SULF1: variants seen among roughly 807,000 people sequenced by gnomAD.
SULF1 encodes the protein sulfatase 1.
Under a neutral mutation model 110.5 loss-of-function variants are expected in SULF1, and 46 were observed. That is an observed-to-expected ratio of 0.42 (90% CI 0.33 to 0.53). The LOEUF (loss-of-function observed/expected upper bound fraction) is 0.53. Ranked by LOEUF, SULF1 falls within the 20% of genes least tolerant of loss-of-function variation. The pLI is 0.12. For missense variants in SULF1, 941 were observed against 1,094.2 expected (o/e 0.86, Z 1.98); for synonymous variants, 371 against 387.1 (o/e 0.96, Z 0.49).
chr8:69,566,652 A>G (rs533625940), intron 5 of SULF1, among the ~76,000 whole-genome samples: 103 of 152,216 alleles, frequency 6.8e-4, no homozygotes, highest in African/African-American at 2.3e-3. Flanking sequence ...GGAGTTCAAG[A>G]CCAGCCTGGC....
At chr8:69,574,897 C>T (rs1408617083) in intron 5 of SULF1, among the ~76,000 whole-genome samples, 4 of 152,180 alleles carry the variant, frequency 2.6e-5, no homozygotes, top group African/African-American at 9.6e-5. Context: ...TATGAAGACA[C>T]GGGGCTAACT....
chr8:69,654,566 G>A (rs1159225496), intron 22 of SULF1, among the ~76,000 whole-genome samples: 1 of 152,098 alleles, frequency 6.6e-6, no homozygotes, highest in Non-Finnish European at 1.5e-5. Context: ...AGGGTTTTTT[G>A]CTTAGGAAAC....
intron 3 of SULF1, among the ~76,000 whole-genome samples, chr8:69,516,989 C>G (rs1811969352): frequency 6.6e-6 from 1 of 152,072 alleles, no homozygotes; most frequent in African/African-American, 2.4e-5. Flanking sequence ...TCTCCTTTAC[C>G]CTGCTGTCTT....
rs572447644 is a variant in SULF1 at position 69,589,349 on chromosome 8, A to G, written c.734+208A>G. ...TATCTGGGTGGTTTGAGGAGGAATC[A>G]AATTTCCAGCATTTACAAGTAGCTA... On this transcript the variant is annotated intron_variant, in intron 8 of 22. Coordinates refer to ENST00000402687, the MANE Select transcript of SULF1 (RefSeq NM_001128205.2). Among the ~76,000 whole-genome samples the G allele has an allele frequency of 1.2e-4, 18 of 152,348 alleles. No individual in the cohort carries two copies. The South Asian group carries it at 3.3e-3, about 28-fold the overall frequency.
At position 69,526,220 on chromosome 8, in the gene SULF1, AC is replaced by A. The variant is rs1292882330; in HGVS notation, c.-134+24256del. ...TGACCAGCATCTTGAGTTCAACGAA[AC>A]CCCTCTCCTATCCAGTCACAGAGCT... On this transcript the variant is annotated intron_variant, in intron 3 of 22. Transcript: ENST00000402687. Among the ~76,000 whole-genome samples the A allele has an allele frequency of 2.0e-5, 3 of 151,662 alleles. 1 individual carries two copies. The highest frequency in any genetic ancestry group is 4.2e-4 in the South Asian group (2 of 4,790).
intron 5 of SULF1, among the ~76,000 whole-genome samples, chr8:69,565,529 C>T (rs16936114): frequency 0.15 from 22,224 of 151,986 alleles, 1,805 homozygotes; most frequent in African/African-American, 0.21. Flanking sequence ...AATATCTCAC[C>T]CATCCATCGC....
At chr8:69,522,172 T>C (rs1265081372) in intron 3 of SULF1, among the ~76,000 whole-genome samples, 1 of 151,890 alleles carries the variant, frequency 6.6e-6, no homozygotes, top group Non-Finnish European at 1.5e-5. Context: ...TGCCTCAGCC[T>C]CCTGAGTAGC....
At chr8:69,631,513 G>A (rs1197515543) in intron 19 of SULF1, among the ~76,000 whole-genome samples, 1 of 152,204 alleles carries the variant, frequency 6.6e-6, no homozygotes, top group Non-Finnish European at 1.5e-5. Context: ...CTGTGATCGT[G>A]CCCTCACACT....
chr8:69,590,394 A>C (rs758086515), intron 8 of SULF1, among the ~76,000 whole-genome samples: 3 of 152,146 alleles, frequency 2.0e-5, no homozygotes, highest in Admixed American at 6.5e-5. Flanking sequence ...AACTCCCCTG[A>C]CCTCAAGTGA....
intron 13 of SULF1, among the ~76,000 whole-genome samples, chr8:69,607,438 C>T (rs1019840277): frequency 3.9e-5 from 6 of 152,186 alleles, no homozygotes; most frequent in Non-Finnish European, 8.8e-5. Flanking sequence ...GATCATGGCC[C>T]ACTGCAGCCT....
chr8:69,626,881 G>A lies in SULF1; in HGVS notation c.1851-329G>A, dbSNP rs571845027. ...CCACACCTCCCTGCAAGCTGAGGGA[G>A]CCGGCACTGGCCTTGGCCAGCTCAG... On this transcript the variant is annotated intron_variant, in intron 15 of 22. Coordinates refer to ENST00000402687, the MANE Select transcript of SULF1 (RefSeq NM_001128205.2). Among the ~76,000 whole-genome samples the A allele has an allele frequency of 5.9e-5, 9 of 152,372 alleles. No homozygotes were observed. The South Asian group carries it at 6.2e-4, about 11-fold the overall frequency.
At chr8:69,525,353 T>C (rs547062624) in intron 3 of SULF1, among the ~76,000 whole-genome samples, 2 of 152,246 alleles carry the variant, frequency 1.3e-5, no homozygotes, top group East Asian at 3.9e-4. Context: ...TGGAATAAAA[T>C]AGAGAAACAG....
chr8:69,613,044 T>C (rs910354776), intron 13 of SULF1, among the ~76,000 whole-genome samples: 4 of 152,092 alleles, frequency 2.6e-5, no homozygotes, highest in Admixed American at 6.5e-5. Flanking sequence ...ACGTGAGAGA[T>C]AGGAATCCAG....
intron 17 of SULF1, 30 bp downstream of exon 17, chr8:69,627,896 T>C (rs755321170): frequency 7.1e-6 from 11 of 1,548,936 alleles, no homozygotes; most frequent in Middle Eastern, 3.4e-4. Flanking sequence ...TGCTCCACTT[T>C]CCAAATTCAT....
At chr8:69,603,359 A>T in intron 11 of SULF1, 39 bp downstream of exon 11, 1 of 1,613,064 alleles carries the variant, frequency 6.2e-7, no homozygotes, top group Non-Finnish European at 8.5e-7. Flanking sequence ...CCCCAAATAC[A>T]CTGAGCTCCA....
chr8:69,533,656 A>G lies in SULF1; in HGVS notation c.-133-29883A>G, dbSNP rs573028178. On this transcript the variant is annotated intron_variant, in intron 3 of 22. Coordinates refer to ENST00000402687, the MANE Select transcript of SULF1 (RefSeq NM_001128205.2). The stretch of plus-strand genomic sequence containing the variant: ...ATTTTCTTTATCCAGTCTATCATTG[A>G]TGGGCATTTGGGTCGATTCCATGTT... Among the ~76,000 whole-genome samples the G allele has an allele frequency of 5.6e-4, 85 of 152,246 alleles. 1 individual carries two copies. The highest frequency in any genetic ancestry group is 1.9e-3 in the African/African-American group (80 of 41,534).
intron 6 of SULF1, 105 bp from the exon 7 acceptor site, chr8:69,586,252 A>ATAGT (rs1806452650): frequency 8.2e-7 from 1 of 1,222,982 alleles, no homozygotes; most frequent in Non-Finnish European, 1.1e-6. Flanking sequence ...ACCTAGGGCA[A>ATAGT]CTTTTGTTTT....
At chr8:69,616,761 C>T (rs937749971) in intron 13 of SULF1, among the ~76,000 whole-genome samples, 3 of 148,006 alleles carry the variant, frequency 2.0e-5, no homozygotes, top group African/African-American at 2.5e-5. Context: ...CCACACTGGC[C>T]AGGCTGGTCT....
At chr8:69,577,173 G>T (rs1441008851) in intron 6 of SULF1, among the ~76,000 whole-genome samples, 1 of 152,186 alleles carries the variant, frequency 6.6e-6, no homozygotes, top group Non-Finnish European at 1.5e-5. Flanking sequence ...GCATCTCAAG[G>T]GTGTTTTCTT....
Sources: gnomAD v4.1 joint callset for allele counts (sites outside exome capture counted in the v4.1 genomes callset) on GRCh38, gnomAD v4.1.1 for gene constraint, MANE v1.5 for transcripts, NCBI Gene and HGNC (gene_info 2026-07-23, HGNC 2026-07-21) for gene names.